EMILIN2: variants seen among roughly 807,000 people sequenced by gnomAD.
EMILIN2 encodes EMILIN-2.
Under a neutral mutation model 87.1 loss-of-function variants are expected in EMILIN2, and 71 were observed. That is an observed-to-expected ratio of 0.82 (90% confidence interval 0.67 to 0.99). The LOEUF is 0.99. Ranked by LOEUF, EMILIN2 falls within the 50% of genes least tolerant of loss-of-function variation. EMILIN2 has a pLI of 0.00. For synonymous variants in EMILIN2, 581 were observed against 563.4 expected (o/e 1.03, Z -0.44); for missense variants, 1,407 against 1,371.8 (o/e 1.03, Z -0.40).
intron 2 of EMILIN2, among the ~76,000 whole-genome samples, chr18:2,871,302 CCTG>C (rs749802833): frequency 6.6e-6 from 1 of 152,218 alleles, no homozygotes; most frequent in Non-Finnish European, 1.5e-5. Context: ...GCCTCGAACT[CCTG>C]GGCTCAAGTG....
At chr18:2,878,384 C>T (rs892740843) in intron 2 of EMILIN2, among the ~76,000 whole-genome samples, 5 of 151,256 alleles carry the variant, frequency 3.3e-5, no homozygotes, top group Admixed American at 6.6e-5. Flanking sequence ...TAGCTATTTG[C>T]GAGATTGAGG....
rs983625087 is a variant in EMILIN2 at position 2,847,333 on chromosome 18, G to A, written c.134+11G>A. Reference sequence around the variant, plus strand: ...CAGCGCCAGGAACAAGTAAGTGCGCGCCCCTTGGCTGGCCCCAAACCGCCT... The same window carrying A: ...CAGCGCCAGGAACAAGTAAGTGCGCACCCCTTGGCTGGCCCCAAACCGCCT... On this transcript the variant is annotated intron_variant, in intron 1 of 7. Coordinates refer to ENST00000254528, the MANE Select transcript of EMILIN2 (RefSeq NM_032048.3). This position sits in a 1 kb window ranked among gnomAD's most constrained non-coding sequence, Gnocchi z 4.5. The A allele has an allele frequency of 7.7e-7, 1 of 1,305,900 alleles. No individual in the cohort carries two copies. The highest frequency in any genetic ancestry group is 2.1e-5 in the South Asian group (1 of 47,360). The allele number at this position is 1,305,900 out of a possible 1,614,324, so 80.9% of individuals were successfully genotyped here.
chr18:2,865,015 C>T (rs948400738), intron 2 of EMILIN2, among the ~76,000 whole-genome samples: 3 of 152,246 alleles, frequency 2.0e-5, no homozygotes, highest in Non-Finnish European at 4.4e-5. Context: ...GCATCAGCTA[C>T]TGAGGCTTGT....
chr18:2,896,224 G>T lies in EMILIN2; in HGVS notation c.2359+3738G>T, dbSNP rs1466234163. 2.0e-5 allele frequency among the ~76,000 whole-genome samples: 3 copies of T among 152,050 alleles called. No homozygotes were observed. The South Asian group carries it at 6.2e-4, about 32-fold the overall frequency. ...GGAGTCTCCCTTTGTTGCTGGGGCT[G>T]GAGTGCAGTGGCGTGATCTTGGCTC... On this transcript the variant is annotated intron_variant, in intron 4 of 7. Transcript: ENST00000254528.
rs551410104 is a variant in EMILIN2 at position 2,896,301 on chromosome 18, A to G, written c.2359+3815A>G. On this transcript the variant is annotated intron_variant, in intron 4 of 7. Coordinates refer to ENST00000254528, the MANE Select transcript of EMILIN2 (RefSeq NM_032048.3). Reference sequence around the variant, plus strand: ...AGCGATTCTCCTGCCTCAGCCTCCCAAGTAGCTGGGATTACAGGTGTCTGC... The same window carrying G: ...AGCGATTCTCCTGCCTCAGCCTCCCGAGTAGCTGGGATTACAGGTGTCTGC... Among the ~76,000 whole-genome samples, 66 of 152,054 alleles carry G rather than the reference A, an allele frequency of 4.3e-4. 1 individual carries two copies. Among genetic ancestry groups the G allele is most frequent in the African/African-American group, 1.6e-3 (66 of 41,496 alleles).
chr18:2,847,064 G>A lies in EMILIN2; in HGVS notation c.-125G>A. 2 of 1,077,404 alleles carry A rather than the reference G, an allele frequency of 1.9e-6. No individual in the cohort carries two copies. Among genetic ancestry groups the A allele is most frequent in the Non-Finnish European group, 2.3e-6 (2 of 881,772 alleles). 66.7% of individuals were successfully genotyped at this position (1,077,404 alleles called of 1,614,324 possible). On this transcript the variant is annotated 5_prime_UTR_variant, in exon 1 of 8. Transcript: ENST00000254528. This position sits in a 1 kb window ranked among gnomAD's most constrained non-coding sequence, Gnocchi z 4.5. ...GCGGCCGCGGAGCACTGGTTGGAGC[G>A]CCGCGAAGCGCCCGAGCCTCTTGCC... is the stretch of plus-strand genomic sequence containing the variant.
At position 2,882,247 on chromosome 18, in the gene EMILIN2, C is replaced by T. The variant is rs114708083; in HGVS notation, c.258-2717C>T. ...TCCTCTCCTCATCCTCCCAACTGCC[C>T]GAGCAGCCCTTGTTTTTCCATTTTA... On this transcript the variant is annotated intron_variant, in intron 2 of 7. Coordinates refer to ENST00000254528, the MANE Select transcript of EMILIN2 (RefSeq NM_032048.3). Among the ~76,000 whole-genome samples the T allele has an allele frequency of 4.8e-3, 731 of 152,290 alleles. 5 individuals are homozygous for T. Among genetic ancestry groups the T allele is most frequent in the African/African-American group, 0.017 (692 of 41,560 alleles).
chr18:2,880,191 A>G lies in EMILIN2; in HGVS notation c.258-4773A>G, dbSNP rs377397036. Among the ~76,000 whole-genome samples the G allele has an allele frequency of 3.9e-5, 6 of 152,256 alleles. No homozygotes were observed. The East Asian group carries it at 1.2e-3, about 29-fold the overall frequency. On this transcript the variant is annotated intron_variant, in intron 2 of 7. Transcript: ENST00000254528. This position sits in a 1 kb window ranked among gnomAD's most constrained non-coding sequence, Gnocchi z 4.1. ...TAGAAGGAGTCTTTGTGGGGGTGAC[A>G]TCAAGTGGAGGTACTGTCATTTTGT...
chr18:2,906,057 C>T (rs1226839067), intron 4 of EMILIN2, among the ~76,000 whole-genome samples: 2 of 152,054 alleles, frequency 1.3e-5, no homozygotes, highest in Admixed American at 1.3e-4. Context: ...CTGACGGGGG[C>T]GGCGGGGATG....
In EMILIN2 at chr18:2,902,479, T is replaced by C. The variant is rs575112648; in HGVS notation, c.2360-4304T>C. 2.4e-3 allele frequency among the ~76,000 whole-genome samples: 357 copies of C among 151,700 alleles called. 1 individual carries two copies. The highest frequency in any genetic ancestry group is 8.1e-3 in the African/African-American group (336 of 41,318). ...ATCCAAGAAGGCTTCATGGAAGAGG[T>C]GGTTTTGAACTGCGACTTCAGGAGT... On this transcript the variant is annotated intron_variant, in intron 4 of 7. Transcript: ENST00000254528.
At position 2,913,199 on chromosome 18, in the gene EMILIN2, GGA is replaced by G. The variant is rs1568489275; in HGVS notation, c.2963_2964del (p.Glu988ValfsTer47). On this transcript the variant is annotated frameshift_variant, in exon 8 of 8. Coordinates refer to ENST00000254528, the MANE Select transcript of EMILIN2 (RefSeq NM_032048.3). LOFTEE classifies it high-confidence loss of function. ...GCCCAGCTGCATACCGCTGGGTACA[GGA>G]GAGAGTTCCTGGAATACCACCGCCC... 4 of 1,613,870 alleles carry G rather than the reference GGA, an allele frequency of 2.5e-6. No individual in the cohort carries two copies. Among genetic ancestry groups the G allele is most frequent in the South Asian group, 2.2e-5 (2 of 91,090 alleles).
intron 7 of EMILIN2, among the ~76,000 whole-genome samples, chr18:2,910,583 T>C (rs947509770): frequency 2.0e-5 from 3 of 151,918 alleles, no homozygotes; most frequent in African/African-American, 7.3e-5. Context: ...TCCTGACGTC[T>C]CTCTCTGCCC....
At chr18:2,896,989 AT>A (rs1456392755) in intron 4 of EMILIN2, among the ~76,000 whole-genome samples, 8 of 152,304 alleles carry the variant, frequency 5.3e-5, no homozygotes, top group Admixed American at 2.0e-4. Context: ...ATACAAAAAA[AT>A]ATATACTTTT....
chr18:2,901,217 C>T (rs1470547176), intron 4 of EMILIN2, among the ~76,000 whole-genome samples: 1 of 152,246 alleles, frequency 6.6e-6, no homozygotes, highest in Non-Finnish European at 1.5e-5. Context: ...AGCCTCTTCT[C>T]TGTGACAAGA....
In EMILIN2 at chr18:2,909,117, G is replaced by C. The variant is rs375665626; in HGVS notation, c.2695+142G>C. The C allele has an allele frequency of 4.0e-4, 432 of 1,072,818 alleles. 4 individuals are homozygous for C. In the South Asian group the frequency reaches 5.0e-3, roughly 12 times the overall value. 66.5% of individuals were successfully genotyped at this position (1,072,818 alleles called of 1,614,324 possible). A position where few individuals can be genotyped will look rare whatever the true frequency, so the allele number is the denominator to read the frequency against. Reference sequence around the variant, plus strand: ...AGCCCTTCCCCACCCACCAGCACTGGGACAGCCCTCTGCTGACTATAGTGG... The same window carrying C: ...AGCCCTTCCCCACCCACCAGCACTGCGACAGCCCTCTGCTGACTATAGTGG... On this transcript the variant is annotated intron_variant, in intron 6 of 7. Coordinates refer to ENST00000254528, the MANE Select transcript of EMILIN2 (RefSeq NM_032048.3).
chr18:2,911,207 C>T (rs1418434231), intron 7 of EMILIN2, among the ~76,000 whole-genome samples: 3 of 152,194 alleles, frequency 2.0e-5, no homozygotes, highest in African/African-American at 4.8e-5. Flanking sequence ...TATACATTGG[C>T]ATGCTTCCAG....
At chr18:2,883,227 G>GATGTCAAAGGTCCCTCAC (rs57469307) in intron 2 of EMILIN2, among the ~76,000 whole-genome samples, 111,537 of 151,422 alleles carry the variant, frequency 0.74, 41,724 homozygotes, top group Non-Finnish European at 0.77. Context: ...CCTCGGGGAG[G>GATGTCAAAGGTCCCTCAC]ATGTCAAAGG....
intron 2 of EMILIN2, among the ~76,000 whole-genome samples, chr18:2,858,545 A>ATGTGTGTGTGTG (rs1315716983): frequency 6.5e-5 from 3 of 46,508 alleles, no homozygotes; most frequent in Non-Finnish European, 1.1e-4. Context: ...ATATATATAT[A>ATGTGTGTGTGTG]TATATATATA....
chr18:2,857,557 A>G (rs1419994949), intron 2 of EMILIN2, among the ~76,000 whole-genome samples: 1 of 152,100 alleles, frequency 6.6e-6, no homozygotes, highest in Non-Finnish European at 1.5e-5. Flanking sequence ...CTTGAAACGG[A>G]GGAGGAAAGC....
Sources: allele counts gnomAD v4.1 joint callset (sites outside exome capture counted in the v4.1 genomes callset), GRCh38; gene constraint gnomAD v4.1.1; non-coding constraint Gnocchi (gnomAD v3.1); transcripts MANE v1.5; gene names NCBI Gene and HGNC (gene_info 2026-07-23, HGNC 2026-07-21).